UQCC6: variants seen among roughly 807,000 people sequenced by gnomAD.
UQCC6 encodes ubiquinol-cytochrome c reductase complex assembly factor 6.
At chr12:103,960,597 A>C in the UQCC6 span, among the ~76,000 whole-genome samples, 2 of 152,180 alleles carry the variant, frequency 1.3e-5, no homozygotes, top group Non-Finnish European at 2.9e-5. Context: ...AAACATAAAA[A>C]TCCTTGGACA....
At chr12:103,956,639 G>A in the UQCC6 span, 4 of 1,549,432 alleles carry the variant, frequency 2.6e-6, no homozygotes, top group South Asian at 4.8e-5. Flanking sequence ...ACCAGGTCCG[G>A]TCGGTAGTAC....
At chr12:103,964,982 A>G in the UQCC6 span, among the ~76,000 whole-genome samples, 1 of 152,242 alleles carries the variant, frequency 6.6e-6, no homozygotes, top group East Asian at 1.9e-4. Context: ...CAGCTCACAG[A>G]TCACGTGAGT....
the UQCC6 span, among the ~76,000 whole-genome samples, chr12:103,962,732 G>A: frequency 6.6e-6 from 1 of 152,212 alleles, no homozygotes; most frequent in African/African-American, 2.4e-5. Flanking sequence ...GTATAAATAT[G>A]ACTGCAGAAC....
the UQCC6 span, chr12:103,953,755 G>C: frequency 7.0e-6 from 4 of 574,378 alleles, no homozygotes; most frequent in African/African-American, 7.5e-5. Flanking sequence ...TCTAAAGGCT[G>C]TGGCTTCATT....
chr12:103,957,507 C>T, the UQCC6 span, among the ~76,000 whole-genome samples: 1 of 152,038 alleles, frequency 6.6e-6, no homozygotes, highest in African/African-American at 2.4e-5. Context: ...GGTGGAGTCA[C>T]ACATTGAGCA....
chr12:103,957,349 C>T, the UQCC6 span: 2 of 151,904 alleles, frequency 1.3e-5, no homozygotes, highest in Non-Finnish European at 2.9e-5. Context: ...CTTTCTCAGC[C>T]CCAGGCTCCC....
chr12:103,960,955 A>T, the UQCC6 span, among the ~76,000 whole-genome samples: 1 of 152,044 alleles, frequency 6.6e-6, no homozygotes, highest in Non-Finnish European at 1.5e-5. Context: ...TCTTTTTTAA[A>T]AAAAAAAGGA....
the UQCC6 span, among the ~76,000 whole-genome samples, chr12:103,953,116 A>G: frequency 6.6e-5 from 10 of 152,162 alleles, no homozygotes; most frequent in African/African-American, 2.4e-4. Flanking sequence ...AGAGATGATA[A>G]TGGTAGCTTT....
At chr12:103,952,611 C>T in the UQCC6 span, among the ~76,000 whole-genome samples, 1 of 152,208 alleles carries the variant, frequency 6.6e-6, no homozygotes, top group Non-Finnish European at 1.5e-5. Flanking sequence ...TCTGAAGCCA[C>T]TGCACTATTT....
the UQCC6 span, chr12:103,953,736 T>C: frequency 1.7e-6 from 1 of 598,778 alleles, no homozygotes; most frequent in Non-Finnish European, 3.0e-6. Flanking sequence ...GACCCTTCAA[T>C]ATGGCCCTTC....
chr12:103,950,633 C>A, the UQCC6 span: 1 of 152,152 alleles, frequency 6.6e-6, no homozygotes, highest in South Asian at 2.1e-4. Context: ...ATTTCCATGA[C>A]CACTACAATG....
At chr12:103,956,548 A>C in the UQCC6 span, 38 of 926,138 alleles carry the variant, frequency 4.1e-5, no homozygotes. Flanking sequence ...CATTGCTATA[A>C]AGGAATGCCT....
the UQCC6 span, among the ~76,000 whole-genome samples, chr12:103,962,651 C>T: frequency 0.26 from 39,256 of 152,134 alleles, 6,603 homozygotes; most frequent in Non-Finnish European, 0.36. Flanking sequence ...CCCACTGACC[C>T]AAAAGTTACC....
chr12:103,962,798 G>C, the UQCC6 span, among the ~76,000 whole-genome samples: 5 of 152,224 alleles, frequency 3.3e-5, no homozygotes, highest in African/African-American at 7.2e-5. Flanking sequence ...TGCTCTGCAG[G>C]AGCAGTCTTG....
At chr12:103,954,836 T>C in the UQCC6 span, 1 of 660,560 alleles carries the variant, frequency 1.5e-6, no homozygotes, top group African/African-American at 1.8e-5. Flanking sequence ...TACAAGAGTA[T>C]TGGATTATTT....
the UQCC6 span, chr12:103,956,796 A>T: frequency 1.6e-6 from 2 of 1,265,946 alleles, no homozygotes; most frequent in Non-Finnish European, 2.2e-6. Context: ...GCTCACGACT[A>T]CACCGCGCCA....
the UQCC6 span, chr12:103,965,693 T>C: frequency 1.6e-5 from 5 of 309,272 alleles, no homozygotes; most frequent in East Asian, 5.2e-5. Context: ...AGAGCGCTCC[T>C]AGTCCCCGTC....
At chr12:103,953,335 C>T in the UQCC6 span, 1 of 700,956 alleles carries the variant, frequency 1.4e-6, no homozygotes, top group Non-Finnish European at 2.6e-6. Context: ...TTAAGGATGA[C>T]TCCTAGCTTT....
the UQCC6 span, among the ~76,000 whole-genome samples, chr12:103,961,153 T>A: frequency 4.0e-5 from 2 of 49,412 alleles, no homozygotes; most frequent in African/African-American, 1.3e-4. Flanking sequence ...TGTTTGTGTC[T>A]TAAGTTTTTC....
Sources: allele counts gnomAD v4.1 joint callset (sites outside exome capture counted in the v4.1 genomes callset), GRCh38; gene constraint gnomAD v4.1.1; transcripts MANE v1.5; gene names NCBI Gene and HGNC (gene_info 2026-07-23, HGNC 2026-07-21).